The following PDE7B variants were observed in gnomAD, a reference collection of about 807,000 sequenced individuals.
The protein encoded by PDE7B is phosphodiesterase 7B.
Under a neutral mutation model 56.2 loss-of-function variants are expected in PDE7B, and 29 were observed. The observed-to-expected ratio is 0.52, with a 90% CI of 0.38 to 0.70. The LOEUF is 0.70. Ranked by LOEUF, PDE7B falls within the 30% of genes least tolerant of loss-of-function variation. PDE7B has a pLI of 0.00. For synonymous variants in PDE7B, 197 were observed against 196.9 expected, an observed-to-expected ratio of 1.00 and a Z score of 0.00; for missense variants, 490 against 565.0, an observed-to-expected ratio of 0.87 and a Z score of 1.35.
intron 2 of PDE7B, among the ~76,000 whole-genome samples, chr6:136,046,836 G>A (rs1178374958): frequency 6.6e-6 from 1 of 152,070 alleles, no homozygotes; most frequent in Non-Finnish European, 1.5e-5. Flanking sequence ...TAAGATTATT[G>A]TCCTTCTGCA....
At chr6:136,039,375 A>G (rs1776378375) in intron 2 of PDE7B, among the ~76,000 whole-genome samples, 1 of 152,220 alleles carries the variant, frequency 6.6e-6, no homozygotes, top group Non-Finnish European at 1.5e-5. Context: ...AAGAAAGAAC[A>G]TGAGTGTGTG....
chr6:135,975,656 G>A (rs1365363362), intron 2 of PDE7B, among the ~76,000 whole-genome samples: 1 of 150,510 alleles, frequency 6.6e-6, no homozygotes, highest in Non-Finnish European at 1.5e-5. Flanking sequence ...TATTTTCAAT[G>A]TTCTGGGCTT....
In PDE7B at chr6:136,117,937, T is replaced by C. The variant is rs180741670; in HGVS notation, c.166+9123T>C. ...GGAGCCCACAGAAAGACCATGAGCT[T>C]TGAAGTTAGACCTGGGTTTGAATCC... On this transcript the variant is annotated intron_variant, in intron 3 of 12. Coordinates refer to ENST00000308191, the MANE Select transcript of PDE7B (RefSeq NM_018945.4). 3.3e-5 allele frequency among the ~76,000 whole-genome samples: 5 copies of C among 152,260 alleles called. No individual in the cohort carries two copies. In the East Asian group the frequency reaches 9.6e-4, roughly 29 times the overall value.
rs1774484787 is a variant in PDE7B at position 135,940,143 on chromosome 6, C to T, written c.22-7321C>T. Among the ~76,000 whole-genome samples the T allele has an allele frequency of 2.6e-5, 4 of 152,256 alleles. No individual in the cohort carries two copies. In the East Asian group the frequency reaches 5.8e-4, roughly 22 times the overall value. Reference sequence around the variant, plus strand: ...CTTTCACCCCCAGCAGTTTTGCTCCCATCCTTGGCAGCTGCTTTCAAGATC... The same window carrying T: ...CTTTCACCCCCAGCAGTTTTGCTCCTATCCTTGGCAGCTGCTTTCAAGATC... On this transcript the variant is annotated intron_variant, in intron 1 of 12. Coordinates refer to ENST00000308191, the MANE Select transcript of PDE7B (RefSeq NM_018945.4).
chr6:136,072,234 GGAGA>G (rs1188804126), intron 2 of PDE7B, among the ~76,000 whole-genome samples: 1 of 152,172 alleles, frequency 6.6e-6, no homozygotes, highest in Non-Finnish European at 1.5e-5. Context: ...GGGGAGGCGA[GGAGA>G]GAGAAAGACA....
At position 136,169,145 on chromosome 6, in the gene PDE7B, G is replaced by C. The variant is rs77056120; in HGVS notation, c.712-4652G>C. ...AATTCATGATCAAAATAGTGGAGGG[G>C]TATGTGAGATTTAGATGAGGGCATG... is the stretch of plus-strand genomic sequence containing the variant. On this transcript the variant is annotated intron_variant, in intron 8 of 12. Coordinates refer to ENST00000308191, the MANE Select transcript of PDE7B (RefSeq NM_018945.4). Among the ~76,000 whole-genome samples the C allele has an allele frequency of 4.2e-3, 633 of 152,234 alleles. 2 individuals are homozygous for C. The highest frequency in any genetic ancestry group is 0.015 in the African/African-American group (605 of 41,554).
intron 3 of PDE7B, among the ~76,000 whole-genome samples, chr6:136,131,502 T>G (rs1562500623): frequency 1.4e-5 from 2 of 146,100 alleles, no homozygotes; most frequent in Non-Finnish European, 3.0e-5. Flanking sequence ...AGGTTTTTTT[T>G]TTTTTTTTTT....
At chr6:135,992,271 T>C (rs547332651) in intron 2 of PDE7B, among the ~76,000 whole-genome samples, 1 of 152,118 alleles carries the variant, frequency 6.6e-6, no homozygotes, top group South Asian at 2.1e-4. Flanking sequence ...CTAATAAGTA[T>C]TGGGCCACAT....
At chr6:135,913,211 G>C (rs552152929) in intron 1 of PDE7B, among the ~76,000 whole-genome samples, 2 of 152,128 alleles carry the variant, frequency 1.3e-5, no homozygotes, top group East Asian at 3.9e-4. Flanking sequence ...ACATAGTCCA[G>C]ATATAAAAAA....
At chr6:136,093,357 C>A (rs1424094365) in intron 2 of PDE7B, among the ~76,000 whole-genome samples, 3 of 152,186 alleles carry the variant, frequency 2.0e-5, no homozygotes, top group Non-Finnish European at 4.4e-5. Flanking sequence ...CCCAAATAGT[C>A]CTTTCCAAAT....
At chr6:135,862,241 T>G (rs867320665) in intron 1 of PDE7B, among the ~76,000 whole-genome samples, 11 of 151,880 alleles carry the variant, frequency 7.2e-5, no homozygotes, top group African/African-American at 1.7e-4. Flanking sequence ...AAGTTTCCTT[T>G]TATTCCTAGT....
intron 8 of PDE7B, among the ~76,000 whole-genome samples, chr6:136,158,005 G>C (rs1778638535): frequency 6.6e-6 from 1 of 152,126 alleles, no homozygotes; most frequent in Admixed American, 6.5e-5. Context: ...GACATGACCT[G>C]GATCAAGAAA....
intron 1 of PDE7B, among the ~76,000 whole-genome samples, chr6:135,868,885 T>C (rs1262162003): frequency 6.6e-6 from 1 of 152,220 alleles, no homozygotes; most frequent in African/African-American, 2.4e-5. Context: ...GTACACTGGC[T>C]CAATTGTTTT....
chr6:136,140,013 G>A (rs1387702083), intron 3 of PDE7B, among the ~76,000 whole-genome samples: 9 of 152,162 alleles, frequency 5.9e-5, no homozygotes, highest in Non-Finnish European at 1.0e-4. Context: ...TGTTGCCATT[G>A]CTTTTGGTGT....
At chr6:135,869,911 G>C (rs1194752743) in intron 1 of PDE7B, among the ~76,000 whole-genome samples, 2 of 152,360 alleles carry the variant, frequency 1.3e-5, no homozygotes, top group African/African-American at 4.8e-5. Flanking sequence ...AAGGAGATGA[G>C]CAGGCATGGG....
At chr6:135,922,507 G>C (rs540374651) in intron 1 of PDE7B, among the ~76,000 whole-genome samples, 2 of 152,198 alleles carry the variant, frequency 1.3e-5, no homozygotes, top group East Asian at 3.9e-4. Flanking sequence ...GCCCTTTACT[G>C]CCCCACTATA....
chr6:135,967,732 CT>C (rs1775020443), intron 2 of PDE7B, among the ~76,000 whole-genome samples: 2 of 152,192 alleles, frequency 1.3e-5, no homozygotes, highest in Non-Finnish European at 2.9e-5. Flanking sequence ...GGCTTATCTG[CT>C]TTCTCCAAAA....
At chr6:135,905,151 T>C (rs1345243499) in intron 1 of PDE7B, among the ~76,000 whole-genome samples, 1 of 152,180 alleles carries the variant, frequency 6.6e-6, no homozygotes, top group Admixed American at 6.5e-5. Flanking sequence ...GTGTAGCAAA[T>C]ACAGTTGATT....
Position 135,918,728 on chromosome 6 carries a change from C to T in PDE7B, c.22-28736C>T, listed in dbSNP as rs993294671. On this transcript the variant is annotated intron_variant, in intron 1 of 12. Transcript: ENST00000308191. ...AGATAGCTCCTGTGGGTGACTTATG[C>T]CACACAGGTGTTTAAGGTGGAAATA... is the stretch of plus-strand genomic sequence containing the variant. 3.3e-5 allele frequency among the ~76,000 whole-genome samples: 5 copies of T among 152,076 alleles called. 1 individual carries two copies. The highest frequency in any genetic ancestry group is 3.3e-4 in the Admixed American group (5 of 15,256).
Sources: allele counts gnomAD v4.1 joint callset (sites outside exome capture counted in the v4.1 genomes callset), GRCh38; gene constraint gnomAD v4.1.1; transcripts MANE v1.5; gene names NCBI Gene and HGNC (gene_info 2026-07-23, HGNC 2026-07-21).